HSPA13: variants seen among roughly 807,000 people sequenced by gnomAD.
HSPA13 encodes heat shock protein family A (Hsp70) member 13.
Under a neutral mutation model 38.8 loss-of-function variants are expected in HSPA13, and 29 were observed. The ratio of observed to expected loss-of-function variants is 0.75; its 90% CI spans 0.56 to 1.02. The LOEUF is 1.02. Ranked by LOEUF, HSPA13 falls within the 50% of genes least tolerant of loss-of-function variation. The pLI is 0.00. For synonymous variants in HSPA13, 192 were observed against 205.3 expected, an observed-to-expected ratio of 0.94 and a Z score of 0.56; for missense variants, 451 against 560.9, an observed-to-expected ratio of 0.80 and a Z score of 1.98.
In HSPA13 at chr21:14,374,151, C is replaced by G; in HGVS notation, c.882G>C (p.Met294Ile). The change falls in exon 5 of 5, where the codon ATG becomes ATC. Residue 294 changes from methionine to isoleucine, a missense_variant. Met to Ile is a conservative substitution (Grantham distance 10). Coordinates refer to ENST00000285667, the MANE Select transcript of HSPA13 (RefSeq NM_006948.5). Reference sequence around the variant, plus strand: ...GATGAAGAGTCAGATTTAATTTGACCATTTCCACAGCTTGTCTCAATCTGT... The same window carrying G: ...GATGAAGAGTCAGATTTAATTTGACGATTTCCACAGCTTGTCTCAATCTGT... ...EIHRLRQAVEMVKLNLTLHQS... is the reference protein window; with the variant it reads ...EIHRLRQAVEIVKLNLTLHQS... 1.2e-6 allele frequency: 2 copies of G among 1,614,000 alleles called. No individual in the cohort carries two copies. The highest frequency in any genetic ancestry group is 1.7e-6 in the Non-Finnish European group (2 of 1,180,020).
rs970060018 is a variant in HSPA13, at chr21:14,372,675, C to T, written c.*942G>A. 2 of 152,130 alleles carry T rather than the reference C, an allele frequency of 1.3e-5. No homozygotes were observed. Among genetic ancestry groups the T allele is most frequent in the Non-Finnish European group, 2.9e-5 (2 of 67,976 alleles). The allele number at this position is 152,130 out of a possible 1,614,324, so 9.4% of individuals were successfully genotyped here. A position where few individuals can be genotyped will look rare whatever the true frequency, so the allele number is the denominator to read the frequency against. ...AATCTCCGTAAAACGGAACCAAAAC[C>T]ATTTAGTAGCTCAATTCCATGCTAT... On this transcript the variant is annotated 3_prime_UTR_variant, in exon 5 of 5. Transcript: ENST00000285667.
At chr21:14,374,369 T>C (rs1278620946) in intron 4 of HSPA13, 85 bp from the exon 5 acceptor site, 7 of 946,410 alleles carry the variant, frequency 7.4e-6, no homozygotes, top group Non-Finnish European at 1.1e-5. Flanking sequence ...GTAAAAATTA[T>C]ATTCTGGGAA....
In HSPA13 at chr21:14,373,093, T is replaced by C. The variant is rs1409681488; in HGVS notation, c.*524A>G. ...GTGAATGTAAATTTGTTATATAATA[T>C]GGCAGTTACTGAATATTACGTATGC... On this transcript the variant is annotated 3_prime_UTR_variant, in exon 5 of 5. Coordinates refer to ENST00000285667, the MANE Select transcript of HSPA13 (RefSeq NM_006948.5). The C allele has an allele frequency of 2.0e-5, 3 of 152,838 alleles. No individual in the cohort carries two copies. The highest frequency in any genetic ancestry group is 4.4e-5 in the Non-Finnish European group (3 of 68,472). The allele number at this position is 152,838 out of a possible 1,614,324, so 9.5% of individuals were successfully genotyped here.
intron 2 of HSPA13, 39 bp downstream of exon 2, chr21:14,381,164 T>G: frequency 7.0e-7 from 1 of 1,424,024 alleles, no homozygotes; most frequent in African/African-American, 1.4e-5. Flanking sequence ...ACTAAAAGAG[T>G]ACACTAAAAT....
rs779092575 is a variant in HSPA13 at position 14,374,095 on chromosome 21, A to C, written c.938T>G (p.Val313Gly). 102 of 1,613,968 alleles carry C rather than the reference A, an allele frequency of 6.3e-5. No individual in the cohort carries two copies. The highest frequency in any genetic ancestry group is 8.6e-5 in the Non-Finnish European group (101 of 1,180,022). ...AGGTTCCTTCCTGTCCTGCTCCTCC[A>C]CCGTTAGTAATACTGACAACTGAGC... ...QSAQLSVLLT[V>G]EEQDRKEPHS... Residue 313 changes from valine (V) to glycine (G), a missense_variant, in exon 5 of 5, where the codon GTG becomes GGG. By Grantham distance (109) the Val-to-Gly change is moderately radical. Transcript: ENST00000285667.
At chr21:14,383,049 A>G (rs961558623) in intron 1 of HSPA13, 46 bp downstream of exon 1, 3 of 1,612,248 alleles carry the variant, frequency 1.9e-6, no homozygotes, top group African/African-American at 1.3e-5. Context: ...GCATCCTCAG[A>G]TCGCCTCTAC....
chr21:14,378,959 C>A (rs191704862), intron 2 of HSPA13, among the ~76,000 whole-genome samples: 1 of 151,976 alleles, frequency 6.6e-6, no homozygotes, highest in African/African-American at 2.4e-5. Context: ...TTCATCACCA[C>A]GCACATGACT....
At chr21:14,376,120 T>C (rs574714480) in intron 3 of HSPA13, among the ~76,000 whole-genome samples, 2 of 152,362 alleles carry the variant, frequency 1.3e-5, no homozygotes, top group East Asian at 3.9e-4. Flanking sequence ...CCCAGCCTTT[T>C]CTAACATTCA....
In HSPA13 at chr21:14,373,533, G is replaced by T; in HGVS notation, c.*84C>A. On this transcript the variant is annotated 3_prime_UTR_variant, in exon 5 of 5. Coordinates refer to ENST00000285667, the MANE Select transcript of HSPA13 (RefSeq NM_006948.5). ...CTAGGTAAATCTGTGATATTTTAGA[G>T]ACTTTCTTTTGTGGAAAAGGTAATC... is the stretch of plus-strand genomic sequence containing the variant. 2.5e-6 allele frequency: 3 copies of T among 1,191,594 alleles called. No individual in the cohort carries two copies. Among genetic ancestry groups the T allele is most frequent in the South Asian group, 1.5e-5 (1 of 66,036 alleles). 73.8% of individuals were successfully genotyped at this position (1,191,594 alleles called of 1,614,324 possible). A position where few individuals can be genotyped will look rare whatever the true frequency, so the allele number is the denominator to read the frequency against.
rs747841721 is a variant in HSPA13, at chr21:14,381,317, G to A, written c.252C>T (p.Ser84=). ...TDNDVYVGYE[S]VELADSNPQN... ...GAGGATTTGAATCTGCCAGCTCTAC[G>A]CTTTCATATCCCACATATACATCAT... is the stretch of plus-strand genomic sequence containing the variant. The change falls in exon 2 of 5, where the codon AGC becomes AGT. Residue 84 remains serine, a synonymous_variant. Coordinates refer to ENST00000285667, the MANE Select transcript of HSPA13 (RefSeq NM_006948.5). The A allele has an allele frequency of 3.2e-5, 52 of 1,613,830 alleles. No homozygotes were observed. The highest frequency in any genetic ancestry group is 2.7e-4 in the Admixed American group (16 of 59,992).
intron 2 of HSPA13, 48 bp downstream of exon 2, chr21:14,381,151 TTAAC>T: frequency 7.5e-7 from 1 of 1,334,048 alleles, no homozygotes; most frequent in Non-Finnish European, 1.0e-6. Context: ...AGCCAAAGCA[TTAAC>T]TAAAAGAGTA....
rs537845770 is a variant in HSPA13, at chr21:14,377,407, A to G, written c.580+792T>C. Among the ~76,000 whole-genome samples the G allele has an allele frequency of 1.7e-3, 263 of 152,278 alleles. 1 individual carries two copies. Among genetic ancestry groups the G allele is most frequent in the Non-Finnish European group, 2.8e-3 (191 of 68,006 alleles). ...AATTCCTCACTGCTAACATGTGTCC[A>G]TTTTCTCTTTGAGCCTTTGTCCTGT... On this transcript the variant is annotated intron_variant, in intron 3 of 4. Transcript: ENST00000285667.
intron 2 of HSPA13, among the ~76,000 whole-genome samples, chr21:14,379,882 G>A (rs1984123752): frequency 6.6e-6 from 1 of 152,074 alleles, no homozygotes; most frequent in Non-Finnish European, 1.5e-5. Flanking sequence ...CAGGCGTGGT[G>A]GCACACGCCT....
intron 1 of HSPA13, among the ~76,000 whole-genome samples, 167 bp downstream of exon 1, chr21:14,382,928 G>GC (rs1645224797): frequency 6.6e-6 from 1 of 151,852 alleles, no homozygotes. Context: ...AGGCGTCCCC[G>GC]CCCCCATCCA....
chr21:14,379,591 C>T (rs560014928), intron 2 of HSPA13, among the ~76,000 whole-genome samples: 4 of 152,190 alleles, frequency 2.6e-5, no homozygotes, highest in Non-Finnish European at 4.4e-5. Context: ...AAGTAACGTA[C>T]CCAAAGCTGT....
rs1029812691 is a variant in HSPA13, at chr21:14,371,445, G to T, written c.*2172C>A. The T allele has an allele frequency of 6.6e-6, 1 of 152,182 alleles. No homozygotes were observed. Among genetic ancestry groups the T allele is most frequent in the East Asian group, 1.9e-4 (1 of 5,186 alleles). The allele number at this position is 152,182 out of a possible 1,614,324, so 9.4% of individuals were successfully genotyped here. On this transcript the variant is annotated 3_prime_UTR_variant, in exon 5 of 5. Transcript: ENST00000285667. ...AGACTTCAGATTGTTATTCATAAAT[G>T]ATCCCTTTCAGGATGCATTATCTTT...
chr21:14,378,133 A>T, intron 3 of HSPA13, 66 bp downstream of exon 3: 1 of 1,200,138 alleles, frequency 8.3e-7, no homozygotes, highest in Non-Finnish European at 1.2e-6. Context: ...GGTAAACCTT[A>T]CTACAGAAGG....
chr21:14,382,958 G>T, intron 1 of HSPA13, 137 bp downstream of exon 1: 5 of 1,076,328 alleles, frequency 4.6e-6, no homozygotes, highest in African/African-American at 1.5e-5. Flanking sequence ...GCCGAAAACC[G>T]TCTCTAAGTC....
chr21:14,376,290 G>A (rs940235863), intron 3 of HSPA13, among the ~76,000 whole-genome samples: 5 of 152,176 alleles, frequency 3.3e-5, no homozygotes, highest in Non-Finnish European at 5.9e-5. Context: ...GCGGGCGCCC[G>A]TAGTCCCAGC....
Sources: gnomAD v4.1 joint callset for allele counts (sites outside exome capture counted in the v4.1 genomes callset) on GRCh38, gnomAD v4.1.1 for gene constraint, MANE v1.5 for transcripts, NCBI Gene and HGNC (gene_info 2026-07-23, HGNC 2026-07-21) for gene names.